The following WWOX variants were observed in gnomAD, a reference collection of about 807,000 sequenced individuals.
WWOX encodes WW domain containing oxidoreductase.
In WWOX, 69 loss-of-function variants were observed where a neutral mutation model predicts 46.2. That is an observed-to-expected ratio of 1.49 (90% CI 1.23 to 1.82). WWOX has a LOEUF of 1.82. Among genes scored for constraint, WWOX ranks in the 40% most tolerant of loss-of-function variants. The pLI is 0.00. For synonymous variants in WWOX, 359 were observed against 202.6 expected (o/e 1.77, Z -6.56); for missense variants, 919 against 542.6 (o/e 1.69, Z -6.89).
chr16:78,381,342 G>C (rs955022803), intron 5 of WWOX, among the ~76,000 whole-genome samples: 1 of 152,198 alleles, frequency 6.6e-6, no homozygotes, highest in Admixed American at 6.5e-5. Flanking sequence ...AAGAATAGAT[G>C]AAGAAGACTT....
intron 8 of WWOX, among the ~76,000 whole-genome samples, chr16:79,140,244 C>T (rs1597410891): frequency 6.6e-6 from 1 of 152,146 alleles, no homozygotes; most frequent in Non-Finnish European, 1.5e-5. Context: ...CAGACCCTGC[C>T]CTGAAATGCA....
chr16:78,183,435 T>C (rs2035595811), intron 5 of WWOX, among the ~76,000 whole-genome samples: 1 of 152,222 alleles, frequency 6.6e-6, no homozygotes, highest in Admixed American at 6.5e-5. Context: ...TAGTTAGTGG[T>C]TGAGAACATG....
intron 8 of WWOX, among the ~76,000 whole-genome samples, chr16:78,758,299 G>C (rs893549222): frequency 6.6e-6 from 1 of 152,074 alleles, no homozygotes; most frequent in Admixed American, 6.5e-5. Flanking sequence ...TGTTCTCTTT[G>C]GGCAAATGGA....
intron 8 of WWOX, among the ~76,000 whole-genome samples, chr16:78,940,140 T>C (rs762940549): frequency 8.5e-5 from 13 of 152,168 alleles, no homozygotes; most frequent in Non-Finnish European, 1.6e-4. Flanking sequence ...CAATAATATA[T>C]TTTTTCTACT....
At chr16:78,871,828 C>G (rs376513760) in intron 8 of WWOX, among the ~76,000 whole-genome samples, 1 of 152,146 alleles carries the variant, frequency 6.6e-6, no homozygotes, top group Admixed American at 6.5e-5. Context: ...GTCTCAAACT[C>G]CTGGCCTCAA....
intron 8 of WWOX, among the ~76,000 whole-genome samples, chr16:78,776,864 T>C (rs1314324117): frequency 2.6e-5 from 4 of 152,022 alleles, no homozygotes; most frequent in Admixed American, 1.3e-4. Context: ...ATGTCAAGAA[T>C]AGAATGGGGG....
chr16:78,518,131 T>C (rs1442074700), intron 8 of WWOX, among the ~76,000 whole-genome samples: 1 of 152,182 alleles, frequency 6.6e-6, no homozygotes, highest in Non-Finnish European at 1.5e-5. Context: ...AAGAGTCACA[T>C]GAAATATGTA....
chr16:78,611,771 A>G (rs539009134), intron 8 of WWOX, among the ~76,000 whole-genome samples: 1 of 152,318 alleles, frequency 6.6e-6, no homozygotes, highest in East Asian at 1.9e-4. Flanking sequence ...ATCTCACTCC[A>G]GTATCAGCTT....
At chr16:78,246,047 G>A (rs2037805399) in intron 5 of WWOX, among the ~76,000 whole-genome samples, 2 of 152,146 alleles carry the variant, frequency 1.3e-5, no homozygotes, top group African/African-American at 2.4e-5. Flanking sequence ...AGCACAAGTG[G>A]TACAAATCTG....
intron 8 of WWOX, among the ~76,000 whole-genome samples, chr16:78,544,633 T>G (rs372025141): frequency 6.3e-4 from 96 of 152,246 alleles, no homozygotes; most frequent in African/African-American, 2.0e-3. Context: ...CACCTCTAAT[T>G]CCAGCACTTT....
chr16:78,967,922 C>G (rs1436531548), intron 8 of WWOX, among the ~76,000 whole-genome samples: 1 of 152,314 alleles, frequency 6.6e-6, no homozygotes, highest in African/African-American at 2.4e-5. Context: ...GACAGGGAGC[C>G]TTTCTTCCTT....
intron 8 of WWOX, among the ~76,000 whole-genome samples, chr16:78,757,219 G>C (rs1249852579): frequency 6.6e-6 from 1 of 152,090 alleles, no homozygotes; most frequent in African/African-American, 2.4e-5. Context: ...TTAGTTTTGG[G>C]ATAATTTGTT....
chr16:78,752,774 G>T (rs1001970647), intron 8 of WWOX, among the ~76,000 whole-genome samples: 16 of 152,158 alleles, frequency 1.1e-4, no homozygotes, highest in African/African-American at 3.4e-4. Context: ...TATGTAATAA[G>T]TAGTCTCCAA....
intron 8 of WWOX, among the ~76,000 whole-genome samples, chr16:78,736,737 C>T (rs2049101146): frequency 6.6e-6 from 1 of 152,066 alleles, no homozygotes; most frequent in South Asian, 2.1e-4. Flanking sequence ...AGGGAGGGCA[C>T]TACAGGCGCA....
At chr16:78,776,621 G>C (rs773178848) in intron 8 of WWOX, among the ~76,000 whole-genome samples, 28 of 152,022 alleles carry the variant, frequency 1.8e-4, no homozygotes, top group Admixed American at 6.6e-4. Context: ...TTATTAGTCT[G>C]GTCTCACACT....
At chr16:79,113,134 C>T (rs1033450331) in intron 8 of WWOX, among the ~76,000 whole-genome samples, 2 of 152,082 alleles carry the variant, frequency 1.3e-5, no homozygotes, top group East Asian at 1.9e-4. Flanking sequence ...TGTAATTACA[C>T]GTTGTGATAA....
Position 78,378,555 on chromosome 16 carries a change from C to A in WWOX, c.517-8305C>A, listed in dbSNP as rs185685303. ...CATATGATATTGATGAATTATTAAA[C>A]CAGTTGAGTTAGATTTCTATTGTAG... On this transcript the variant is annotated intron_variant, in intron 5 of 8. Coordinates refer to ENST00000566780, the MANE Select transcript of WWOX (RefSeq NM_016373.4). 5.8e-4 allele frequency among the ~76,000 whole-genome samples: 88 copies of A among 152,264 alleles called. No homozygotes were observed. The East Asian group carries it at 0.013, about 22-fold the overall frequency.
intron 8 of WWOX, among the ~76,000 whole-genome samples, chr16:79,084,664 C>G (rs138855751): frequency 2.6e-5 from 4 of 152,204 alleles, no homozygotes; most frequent in Non-Finnish European, 4.4e-5. Flanking sequence ...GCACCCGCAT[C>G]GGCCTCCCAA....
At chr16:78,488,630 G>A (rs1377927685) in intron 8 of WWOX, among the ~76,000 whole-genome samples, 3 of 152,112 alleles carry the variant, frequency 2.0e-5, no homozygotes, top group Non-Finnish European at 4.4e-5. Context: ...CAATGTCAGT[G>A]CTCTGAGCTC....
Sources: allele counts gnomAD v4.1 joint callset (sites outside exome capture counted in the v4.1 genomes callset), GRCh38; gene constraint gnomAD v4.1.1; transcripts MANE v1.5; gene names NCBI Gene and HGNC (gene_info 2026-07-23, HGNC 2026-07-21).